The following SEC14L6 variants were observed in gnomAD, a reference collection of about 807,000 sequenced individuals.
SEC14L6 encodes SEC14-like protein 6.
Under a neutral mutation model 54.1 loss-of-function variants are expected in SEC14L6, and 40 were observed. The ratio of observed to expected loss-of-function variants is 0.74; its 90% CI spans 0.57 to 0.96. The LOEUF (loss-of-function observed/expected upper bound fraction) is 0.96, where lower values mean the gene tolerates loss of function less well. Among genes scored for constraint, SEC14L6 ranks in the 40% least tolerant of loss-of-function variants. The pLI is 0.00. For missense variants in SEC14L6, 471 were observed against 498.3 expected (o/e 0.95, Z 0.52); for synonymous variants, 171 against 198.4 (o/e 0.86, Z 1.16).
At chr22:30,533,105 G>A in intron 3 of SEC14L6, 1 of 985,400 alleles carries the variant, frequency 1.0e-6, no homozygotes, top group Non-Finnish European at 1.2e-6. Context: ...GTCTCCCCCT[G>A]CATCCTTCCA....
At chr22:30,529,707 G>T (rs1367211051) in intron 6 of SEC14L6, among the ~76,000 whole-genome samples, 1 of 152,104 alleles carries the variant, frequency 6.6e-6, no homozygotes, top group Non-Finnish European at 1.5e-5. Flanking sequence ...GCCTCCCAAG[G>T]TGCTGGGATT....
At chr22:30,538,269 GT>G (rs2085634525) in intron 2 of SEC14L6, among the ~76,000 whole-genome samples, 1 of 151,464 alleles carries the variant, frequency 6.6e-6, no homozygotes, top group Admixed American at 6.6e-5. Flanking sequence ...AGAGGCGGAG[GT>G]TGCAGTGAGC....
At chr22:30,543,977 A>G (rs537929101) in intron 1 of SEC14L6, 1 of 1,603,958 alleles carries the variant, frequency 6.2e-7, no homozygotes, top group Non-Finnish European at 8.5e-7. Context: ...ACCCTCACCT[A>G]TGCTGACCTG....
intron 1 of SEC14L6, chr22:30,542,400 G>A (rs1278188897): frequency 2.4e-6 from 1 of 423,820 alleles, no homozygotes; most frequent in Non-Finnish European, 4.1e-6. Flanking sequence ...CGGAGGCGAG[G>A]GGAGGTCGGC....
rs764418374 is a variant in SEC14L6 at position 30,525,848 on chromosome 22, C to A, written c.749G>T (p.Gly250Val). ...TACCTTGGTCAGGCACTTGGGGTTG[C>A]CATCGGGGTCAGTCATGGTCCCCCC... ...EFGGTMTDPDGNPKCLTKINY... is the reference protein window; with the variant it reads ...EFGGTMTDPDVNPKCLTKINY... The change falls in exon 9 of 12, where the codon GGC becomes GTC. Residue 250 changes from glycine (G) to valine (V), a missense_variant. Coordinates refer to ENST00000402034, the MANE Select transcript of SEC14L6 (RefSeq NM_001193336.4). The A allele has an allele frequency of 1.9e-6, 3 of 1,613,650 alleles. No individual in the cohort carries two copies. In the African/African-American group the frequency reaches 4.0e-5, roughly 22 times the overall value.
chr22:30,545,325 A>G (rs867473989), intron 1 of SEC14L6, among the ~76,000 whole-genome samples: 10 of 152,216 alleles, frequency 6.6e-5, no homozygotes, highest in Admixed American at 2.0e-4. Flanking sequence ...AAATGTGGCT[A>G]GTTTGAACTG....
intron 2 of SEC14L6, among the ~76,000 whole-genome samples, chr22:30,537,612 C>A (rs2097870): frequency 1.3e-5 from 2 of 152,082 alleles, no homozygotes; most frequent in Non-Finnish European, 2.9e-5. Context: ...TGAGAGAGAG[C>A]GAGCGAGCAA....
intron 3 of SEC14L6, among the ~76,000 whole-genome samples, 196 bp downstream of exon 3, chr22:30,533,800 C>T (rs1171438633): frequency 6.6e-6 from 1 of 152,090 alleles, no homozygotes; most frequent in African/African-American, 2.4e-5. Context: ...TTCTTTGTTC[C>T]TCTGGTTTCT....
intron 2 of SEC14L6, 92 bp from the exon 3 acceptor site, chr22:30,534,131 A>AG: frequency 8.1e-7 from 1 of 1,237,098 alleles, no homozygotes; most frequent in Non-Finnish European, 1.1e-6. Flanking sequence ...CCTCCAGGCC[A>AG]GCTTTGTCTC....
chr22:30,541,611 T>G (rs2085713260), intron 1 of SEC14L6, among the ~76,000 whole-genome samples: 1 of 151,302 alleles, frequency 6.6e-6, no homozygotes, highest in Non-Finnish European at 1.5e-5. Context: ...TGAGCCAAGA[T>G]CACATCACTG....
At position 30,523,845 on chromosome 22, in the gene SEC14L6, TATTTGAACC is replaced by T. The variant is rs1319956568; in HGVS notation, c.*1143_*1151del. ...ATTGCACAACTGCTTGTTAGGGAACTATTTGAACCATGTCTTTTATTTTCTGCATGCTTT... is the reference window on the plus strand; with the variant it reads ...ATTGCACAACTGCTTGTTAGGGAACTATGTCTTTTATTTTCTGCATGCTTT... On this transcript the variant is annotated 3_prime_UTR_variant, in exon 12 of 12. Coordinates refer to ENST00000402034, the MANE Select transcript of SEC14L6 (RefSeq NM_001193336.4). 1 of 152,232 alleles carries T rather than the reference TATTTGAACC, an allele frequency of 6.6e-6. No homozygotes were observed. The highest frequency in any genetic ancestry group is 2.4e-5 in the African/African-American group (1 of 41,456). 9.4% of individuals were successfully genotyped at this position (152,232 alleles called of 1,614,324 possible). A position where few individuals can be genotyped will look rare whatever the true frequency, so the allele number is the denominator to read the frequency against.
chr22:30,545,351 G>A (rs1211830792), intron 1 of SEC14L6, among the ~76,000 whole-genome samples: 1 of 152,082 alleles, frequency 6.6e-6, no homozygotes, highest in Non-Finnish European at 1.5e-5. Context: ...TGCTGTGAGT[G>A]TAAAATACAC....
rs1368562551 is a variant in SEC14L6, at chr22:30,524,773, G to A, written c.*224C>T. 5 of 492,902 alleles carry A rather than the reference G, an allele frequency of 1.0e-5. No homozygotes were observed. The highest frequency in any genetic ancestry group is 1.9e-5 in the African/African-American group (1 of 51,586). The allele number at this position is 492,902 out of a possible 1,614,324, so 30.5% of individuals were successfully genotyped here. ...GAGCTTGAGGTCACAGCAGGTCATA[G>A]TGGGGATGGAGTGTCTGTGTTGCTT... is the stretch of plus-strand genomic sequence containing the variant. On this transcript the variant is annotated 3_prime_UTR_variant, in exon 12 of 12. Transcript: ENST00000402034.
At chr22:30,545,137 G>A (rs895330704) in intron 1 of SEC14L6, among the ~76,000 whole-genome samples, 8 of 151,976 alleles carry the variant, frequency 5.3e-5, no homozygotes, top group Non-Finnish European at 8.8e-5. Context: ...TGCCGTGTGC[G>A]ACCACGAAGG....
At chr22:30,534,653 C>T (rs941329057) in intron 2 of SEC14L6, among the ~76,000 whole-genome samples, 9 of 151,852 alleles carry the variant, frequency 5.9e-5, no homozygotes, top group Admixed American at 2.0e-4. Flanking sequence ...TCAAATGATC[C>T]GCCTGCCTCA....
chr22:30,533,083 C>T, intron 3 of SEC14L6: 1 of 985,328 alleles, frequency 1.0e-6, no homozygotes, highest in Non-Finnish European at 1.2e-6. Context: ...GGGAGGCCTG[C>T]ACTCTGCAGC....
intron 6 of SEC14L6, among the ~76,000 whole-genome samples, chr22:30,530,633 C>G (rs1936938902): frequency 6.6e-6 from 1 of 152,194 alleles, no homozygotes; most frequent in Non-Finnish European, 1.5e-5. Context: ...AATTCCCGAG[C>G]TCAAGCGATC....
At chr22:30,542,004 G>A (rs974479948) in intron 1 of SEC14L6, among the ~76,000 whole-genome samples, 3 of 152,196 alleles carry the variant, frequency 2.0e-5, no homozygotes, top group African/African-American at 7.2e-5. Context: ...AACAGGCACA[G>A]GAGAAATTGT....
intron 8 of SEC14L6, among the ~76,000 whole-genome samples, chr22:30,528,415 T>A (rs1466919383): frequency 2.8e-5 from 4 of 142,886 alleles, no homozygotes; most frequent in Non-Finnish European, 4.5e-5. Flanking sequence ...ACCACCGCGC[T>A]CGGCCTCTTT....
Sources: gnomAD v4.1 joint callset for allele counts (sites outside exome capture counted in the v4.1 genomes callset) on GRCh38, gnomAD v4.1.1 for gene constraint, MANE v1.5 for transcripts, NCBI Gene and HGNC (gene_info 2026-07-23, HGNC 2026-07-21) for gene names.